Variants in GNAI2 observed in about 807,000 individuals in gnomAD.
GNAI2 encodes G protein subunit alpha i2, also known as guanine nucleotide-binding protein G(i) subunit alpha-2.
GNAI2 carries 4 observed loss-of-function variants against 36.8 expected under a neutral mutation model. The ratio of observed to expected loss-of-function variants is 0.11; its 90% CI spans 0.05 to 0.25. The LOEUF (loss-of-function observed/expected upper bound fraction) is 0.25. Ranked by LOEUF, GNAI2 falls within the 10% of genes least tolerant of loss-of-function variation. The probability of loss-of-function intolerance (pLI) is 1.00; values close to 1 mark genes in which losing one functional copy is unlikely to be tolerated. For missense variants in GNAI2, 230 were observed against 481.3 expected (o/e 0.48, Z 4.89); for synonymous variants, 194 against 194.1 (o/e 1.00, Z 0.01).
chr3:50,235,604 G>A (rs1456719199), upstream of GNAI2, among the ~76,000 whole-genome samples: 2 of 152,178 alleles, frequency 1.3e-5, no homozygotes, highest in African/African-American at 2.4e-5. Flanking sequence ...ACTGGCGTGA[G>A]CCACTGCGCC....
At chr3:50,243,733 A>C (rs1482115395) in intron 1 of GNAI2, among the ~76,000 whole-genome samples, 2 of 152,238 alleles carry the variant, frequency 1.3e-5, no homozygotes, top group East Asian at 3.8e-4. Flanking sequence ...TTATGCACTT[A>C]AACAGGGAAC....
intron 1 of GNAI2, among the ~76,000 whole-genome samples, chr3:50,237,831 G>C (rs587697450): frequency 6.6e-6 from 1 of 152,216 alleles, no homozygotes; most frequent in Non-Finnish European, 1.5e-5. Flanking sequence ...AAGTGCATGG[G>C]GGGGTGTGGC....
chr3:50,232,641 C>T (rs1206133977), upstream of GNAI2, among the ~76,000 whole-genome samples: 4 of 152,298 alleles, frequency 2.6e-5, no homozygotes, highest in African/African-American at 9.6e-5. Flanking sequence ...TTCATCTATT[C>T]TCAGGGCATT....
In GNAI2 at chr3:50,252,305, C is replaced by T. The variant is rs778512136; in HGVS notation, c.162-92C>T. 1 of 1,480,258 alleles carries T rather than the reference C, an allele frequency of 6.8e-7. No homozygotes were observed. Among genetic ancestry groups the T allele is most frequent in the Non-Finnish European group, 9.4e-7 (1 of 1,064,642 alleles). The allele number at this position is 1,480,258 out of a possible 1,614,324, so 91.7% of individuals were successfully genotyped here. ...GTCCCAGTGGGTCAGGGGCAGTTTTCCCTTCTCTGAAGCAGGTCCCAGTAG... is the reference window on the plus strand; with the variant it reads ...GTCCCAGTGGGTCAGGGGCAGTTTTTCCTTCTCTGAAGCAGGTCCCAGTAG... On this transcript the variant is annotated intron_variant, in intron 2 of 8. Transcript: ENST00000313601. This position sits in a 1 kb window ranked among gnomAD's most constrained non-coding sequence, Gnocchi z 4.1.
intron 1 of GNAI2, among the ~76,000 whole-genome samples, chr3:50,245,622 C>G (rs1467949464): frequency 6.6e-6 from 1 of 152,242 alleles, no homozygotes; most frequent in Admixed American, 6.5e-5. Flanking sequence ...TTGTCCAGCA[C>G]CTCCTGGCTC....
rs1402192319 is a variant in GNAI2, at chr3:50,242,945, G to A, written c.118+6492G>A. On this transcript the variant is annotated intron_variant, in intron 1 of 8. Transcript: ENST00000313601. This position sits in a 1 kb window ranked among gnomAD's most constrained non-coding sequence, Gnocchi z 4.8. ...GAGGAGGAGGTAATGAAGTCTGCAC[G>A]ACATGGCAGGGCAGGGCTGGGCCTC... is the stretch of plus-strand genomic sequence containing the variant. Among the ~76,000 whole-genome samples the A allele has an allele frequency of 1.3e-5, 2 of 152,202 alleles. No individual in the cohort carries two copies. Among genetic ancestry groups the A allele is most frequent in the Non-Finnish European group, 2.9e-5 (2 of 68,032 alleles).
At chr3:50,256,345 G>A in intron 5 of GNAI2, 25 bp downstream of exon 5, 1 of 1,611,128 alleles carries the variant, frequency 6.2e-7, no homozygotes, top group Non-Finnish European at 8.5e-7. Context: ...GGACAGGTGG[G>A]AGGGGCAGGA....
intron 8 of GNAI2, 50 bp downstream of exon 8, chr3:50,257,764 T>C: frequency 2.1e-6 from 1 of 476,262 alleles, no homozygotes; most frequent in Non-Finnish European, 2.8e-6. Flanking sequence ...TAAGCGGGCC[T>C]GGAGCCCCAG....
upstream of GNAI2, chr3:50,229,364 C>T (rs1700033464): frequency 6.6e-6 from 1 of 152,264 alleles, no homozygotes. Context: ...CCCCAAAGCC[C>T]TGAGAGCTCC....
intron 1 of GNAI2, among the ~76,000 whole-genome samples, chr3:50,237,819 A>C (rs587624023): frequency 6.6e-6 from 1 of 152,062 alleles, no homozygotes; most frequent in Admixed American, 6.5e-5. Context: ...TTGTAGGCTG[A>C]GAAGTGCATG....
In GNAI2 at chr3:50,252,769, CAGG is replaced by C. The variant is rs1272919668; in HGVS notation, c.303+234_303+236del. 1.3e-5 allele frequency among the ~76,000 whole-genome samples: 2 copies of C among 152,194 alleles called. No individual in the cohort carries two copies. Among genetic ancestry groups the C allele is most frequent in the African/African-American group, 4.8e-5 (2 of 41,450 alleles). Reference sequence around the variant, plus strand: ...ATCCCAGCTACTTGGGAGGCTGAAGCAGGAGAATTGCTTGAACCCGGGAGGCAG... The same window carrying C: ...ATCCCAGCTACTTGGGAGGCTGAAGCAGAATTGCTTGAACCCGGGAGGCAG... On this transcript the variant is annotated intron_variant, in intron 3 of 8. Coordinates refer to ENST00000313601, the MANE Select transcript of GNAI2 (RefSeq NM_002070.4). This position sits in a 1 kb window ranked among gnomAD's most constrained non-coding sequence, Gnocchi z 4.1.
At chr3:50,244,281 G>C (rs1700365069) in intron 1 of GNAI2, among the ~76,000 whole-genome samples, 1 of 152,036 alleles carries the variant, frequency 6.6e-6, no homozygotes, top group Non-Finnish European at 1.5e-5. Flanking sequence ...CGCCTGCCTC[G>C]GCCTCCCAGA....
rs1266905187 is a variant in GNAI2, at chr3:50,253,663, G to A, written c.464+479G>A. ...GGAGGCTGAGGCAGGAGAATGGCGT[G>A]AACCTGGGAGGTGGAGCTTGCAGTG... On this transcript the variant is annotated intron_variant, in intron 4 of 8. Coordinates refer to ENST00000313601, the MANE Select transcript of GNAI2 (RefSeq NM_002070.4). The surrounding 1 kb of genome is among the most constrained non-coding windows in gnomAD (Gnocchi z 4.2). 6.6e-6 allele frequency among the ~76,000 whole-genome samples: 1 copy of A among 152,230 alleles called. No homozygotes were observed. The highest frequency in any genetic ancestry group is 1.5e-5 in the Non-Finnish European group (1 of 68,038).
chr3:50,253,335 T>G lies in GNAI2; in HGVS notation c.464+151T>G. ...AACCAAGGCCTTCCTGTTTTTTGGT[T>G]TGGGGGGTGGGTGGGTGTCACGTTA... On this transcript the variant is annotated intron_variant, in intron 4 of 8. Transcript: ENST00000313601. The surrounding 1 kb of genome is among the most constrained non-coding windows in gnomAD (Gnocchi z 4.2). 6.8e-6 allele frequency: 4 copies of G among 587,648 alleles called. No homozygotes were observed. The highest frequency in any genetic ancestry group is 2.4e-5 in the South Asian group (1 of 42,134). 36.4% of individuals were successfully genotyped at this position (587,648 alleles called of 1,614,324 possible). A position where few individuals can be genotyped will look rare whatever the true frequency, so the allele number is the denominator to read the frequency against.
At chr3:50,237,833 G>A (rs1418720460) in intron 1 of GNAI2, among the ~76,000 whole-genome samples, 1 of 152,218 alleles carries the variant, frequency 6.6e-6, no homozygotes, top group African/African-American at 2.4e-5. Flanking sequence ...GTGCATGGGG[G>A]GGTGTGGCCC....
chr3:50,252,985 C>T lies in GNAI2; in HGVS notation c.304-39C>T. 1 of 1,540,874 alleles carries T rather than the reference C, an allele frequency of 6.5e-7. No individual in the cohort carries two copies. The highest frequency in any genetic ancestry group is 8.8e-7 in the Non-Finnish European group (1 of 1,132,130). ...CCCTGCCTCTGGCAGAGTGGGGGTA[C>T]ATTCCTTCAACTGCCTGACCACCCG... On this transcript the variant is annotated intron_variant, in intron 3 of 8. Transcript: ENST00000313601. This position sits in a 1 kb window ranked among gnomAD's most constrained non-coding sequence, Gnocchi z 4.1.
In GNAI2 at chr3:50,249,941, C is replaced by G. The variant is rs587772534; in HGVS notation, c.119-2159C>G. ...CGCTTGTTGAGCACTGCAGACATGG[C>G]CCAGAGTCTGCCTGGGGAGCTAGGG... On this transcript the variant is annotated intron_variant, in intron 1 of 8. Coordinates refer to ENST00000313601, the MANE Select transcript of GNAI2 (RefSeq NM_002070.4). Among the ~76,000 whole-genome samples, 9 of 152,322 alleles carry G rather than the reference C, an allele frequency of 5.9e-5. 1 individual carries two copies. Among genetic ancestry groups the G allele is most frequent in the African/African-American group, 2.2e-4 (9 of 41,570 alleles).
intron 1 of GNAI2, among the ~76,000 whole-genome samples, chr3:50,243,480 G>T (rs1426053390): frequency 6.6e-6 from 1 of 152,228 alleles, no homozygotes; most frequent in Non-Finnish European, 1.5e-5. Flanking sequence ...TCCCCTGCTG[G>T]GGGGCGGACA....
At position 50,256,198 on chromosome 3, in the gene GNAI2, G is replaced by A. The variant is rs781872814; in HGVS notation, c.471G>A (p.Leu157=). 6.0e-6 allele frequency: 9 copies of A among 1,493,876 alleles called. No homozygotes were observed. In the Admixed American group the frequency reaches 1.1e-4, roughly 18 times the overall value. The allele number at this position is 1,493,876 out of a possible 1,614,324, so 92.5% of individuals were successfully genotyped here. The change falls in exon 5 of 9, where the codon CTG becomes CTA. Residue 157 remains leucine (L), a synonymous_variant. Coordinates refer to ENST00000313601, the MANE Select transcript of GNAI2 (RefSeq NM_002070.4). ...YQLNDSAAYY[L]NDLERIAQSD... ...TCCCACCCCCCATCCCCAGCTACCT[G>A]AACGACCTGGAGCGTATTGCACAGA...
Sources: allele counts gnomAD v4.1 joint callset (sites outside exome capture counted in the v4.1 genomes callset), GRCh38; gene constraint gnomAD v4.1.1; non-coding constraint Gnocchi (gnomAD v3.1); transcripts MANE v1.5; gene names NCBI Gene and HGNC (gene_info 2026-07-23, HGNC 2026-07-21).